FAM241A: variants seen among roughly 807,000 people sequenced by gnomAD.
FAM241A encodes the protein uncharacterized protein FAM241A.
A neutral mutation model predicts 12.2 loss-of-function variants in FAM241A; 7 were observed. The observed-to-expected ratio is 0.58, with a 90% confidence interval of 0.33 to 1.08. The LOEUF is 1.08. Ranked by LOEUF, FAM241A falls within the 50% of genes least tolerant of loss-of-function variation. The pLI, the probability that FAM241A is intolerant of heterozygous loss-of-function variation, is 0.04. For synonymous variants in FAM241A, 74 were observed against 68.2 expected (o/e 1.08, Z -0.42); for missense variants, 161 against 169.7 (o/e 0.95, Z 0.29).
At chr4:112,148,583 G>A (rs145813798) in intron 1 of FAM241A, among the ~76,000 whole-genome samples, 7 of 152,274 alleles carry the variant, frequency 4.6e-5, no homozygotes, top group South Asian at 2.1e-4. Context: ...ATCAAGTCCT[G>A]TAGATGAAGA....
intron 1 of FAM241A, among the ~76,000 whole-genome samples, chr4:112,167,054 C>T (rs1254205448): frequency 2.4e-5 from 3 of 127,192 alleles, no homozygotes; most frequent in African/African-American, 9.5e-5. Context: ...GCGGAGCTTG[C>T]AGTGAGCCGA....
At chr4:112,158,338 A>G (rs1404698193) in intron 1 of FAM241A, among the ~76,000 whole-genome samples, 3 of 152,132 alleles carry the variant, frequency 2.0e-5, no homozygotes, top group Admixed American at 6.5e-5. Context: ...TTGAACATCA[A>G]TTGTTTTAAC....
intron 1 of FAM241A, among the ~76,000 whole-genome samples, chr4:112,157,088 C>T (rs1242846414): frequency 6.6e-6 from 1 of 152,036 alleles, no homozygotes; most frequent in Non-Finnish European, 1.5e-5. Context: ...AATTATGGTT[C>T]TCATTAAACA....
At chr4:112,153,665 C>G (rs1325054183) in intron 1 of FAM241A, among the ~76,000 whole-genome samples, 1 of 152,120 alleles carries the variant, frequency 6.6e-6, no homozygotes, top group Non-Finnish European at 1.5e-5. Flanking sequence ...CCCCCGGCAC[C>G]GCCCCCAGCC....
chr4:112,162,525 CAGAG>C (rs1256315913), intron 1 of FAM241A, among the ~76,000 whole-genome samples: 14 of 152,274 alleles, frequency 9.2e-5, no homozygotes, highest in South Asian at 4.1e-4. Context: ...AACAGACAAA[CAGAG>C]AGCCAAATCG....
At chr4:112,153,298 GA>G in intron 1 of FAM241A, among the ~76,000 whole-genome samples, 1 of 152,266 alleles carries the variant, frequency 6.6e-6, no homozygotes, top group East Asian at 1.9e-4. Flanking sequence ...CTATTCAAAA[GA>G]AGTGATAAGG....
At chr4:112,186,603 A>G (rs1724047588) in intron 1 of FAM241A, 90 bp from the exon 2 acceptor site, 1 of 1,193,546 alleles carries the variant, frequency 8.4e-7, no homozygotes, top group African/African-American at 1.5e-5. Flanking sequence ...TATGCCCAGC[A>G]CTTTGGAAGA....
chr4:112,170,949 A>G (rs1019813345), intron 1 of FAM241A, among the ~76,000 whole-genome samples: 2 of 150,592 alleles, frequency 1.3e-5, no homozygotes, highest in Admixed American at 6.6e-5. Flanking sequence ...GCCAACTTCT[A>G]TAGTTTTTCT....
chr4:112,173,747 G>A (rs1723769061), intron 1 of FAM241A, among the ~76,000 whole-genome samples: 1 of 152,114 alleles, frequency 6.6e-6, no homozygotes, highest in Admixed American at 6.6e-5. Flanking sequence ...ACTGATTCCA[G>A]AGAACTAGCT....
At chr4:112,152,072 T>G (rs1346643838) in intron 1 of FAM241A, among the ~76,000 whole-genome samples, 2 of 152,266 alleles carry the variant, frequency 1.3e-5, no homozygotes, top group Non-Finnish European at 2.9e-5. Flanking sequence ...TAATCTCATC[T>G]TGTTCCTAAG....
rs147006273 is a variant in FAM241A at position 112,149,446 on chromosome 4, C to T, written c.153+3713C>T. Among the ~76,000 whole-genome samples the T allele has an allele frequency of 2.1e-3, 319 of 152,288 alleles. 1 individual carries two copies. Among genetic ancestry groups the T allele is most frequent in the Admixed American group, 5.0e-3 (77 of 15,296 alleles). On this transcript the variant is annotated intron_variant, in intron 1 of 1. Transcript: ENST00000309733. ...GCCAAATAATTCATTCCCCTAACACCGCACATTGAAGTTGCTTCAAGCTTT... is the reference window on the plus strand; with the variant it reads ...GCCAAATAATTCATTCCCCTAACACTGCACATTGAAGTTGCTTCAAGCTTT...
intron 1 of FAM241A, among the ~76,000 whole-genome samples, chr4:112,147,436 C>A (rs988390301): frequency 6.6e-6 from 1 of 152,096 alleles, no homozygotes; most frequent in Non-Finnish European, 1.5e-5. Context: ...GTCAAGAAGA[C>A]AAAAATAAGC....
chr4:112,151,906 T>C (rs1174647197), intron 1 of FAM241A, among the ~76,000 whole-genome samples: 1 of 152,216 alleles, frequency 6.6e-6, no homozygotes, highest in East Asian at 1.9e-4. Context: ...CATTACATGA[T>C]GGAAAAACAG....
chr4:112,162,521 C>G (rs183129814), intron 1 of FAM241A, among the ~76,000 whole-genome samples: 2 of 152,130 alleles, frequency 1.3e-5, no homozygotes. Context: ...CAATAACAGA[C>G]AAACAGAGAG....
chr4:112,164,865 C>T (rs545303032), intron 1 of FAM241A, among the ~76,000 whole-genome samples: 2 of 152,224 alleles, frequency 1.3e-5, no homozygotes, highest in Admixed American at 1.3e-4. Context: ...AATCCCAGCA[C>T]TTTGGGAGGC....
At chr4:112,182,021 CTT>C (rs1330858153) in intron 1 of FAM241A, among the ~76,000 whole-genome samples, 2 of 152,084 alleles carry the variant, frequency 1.3e-5, no homozygotes, top group African/African-American at 2.4e-5. Context: ...TTAGTAGACT[CTT>C]AGGATTATAG....
In FAM241A at chr4:112,145,613, C is replaced by T; in HGVS notation, c.33C>T (p.Gly11=). 8.1e-7 allele frequency: 1 copy of T among 1,235,904 alleles called. No homozygotes were observed. Among genetic ancestry groups the T allele is most frequent in the Non-Finnish European group, 1.0e-6 (1 of 988,840 alleles). The allele number at this position is 1,235,904 out of a possible 1,614,324, so 76.6% of individuals were successfully genotyped here. A position where few individuals can be genotyped will look rare whatever the true frequency, so the allele number is the denominator to read the frequency against. The change falls in exon 1 of 2, where the codon GGC becomes GGT. Residue 11 remains glycine, a synonymous_variant. Transcript: ENST00000309733. MCSAGELLRG[G]DGGERDEDGD... ...CAGCCGGGGAGCTGCTGCGGGGCGG[C>T]GACGGCGGGGAACGCGACGAGGACG...
chr4:112,169,610 G>A (rs1415048451), intron 1 of FAM241A, among the ~76,000 whole-genome samples: 1 of 152,154 alleles, frequency 6.6e-6, no homozygotes, highest in Non-Finnish European at 1.5e-5. Context: ...CAGGAACATT[G>A]AGACACATAA....
Position 112,145,800 on chromosome 4 carries a change from A to C in FAM241A, c.153+67A>C, listed in dbSNP as rs1046096315. 69 of 1,024,790 alleles carry C rather than the reference A, an allele frequency of 6.7e-5. No individual in the cohort carries two copies. In the African/African-American group the frequency reaches 1.0e-3, roughly 15 times the overall value. The allele number at this position is 1,024,790 out of a possible 1,614,324, so 63.5% of individuals were successfully genotyped here. On this transcript the variant is annotated intron_variant, in intron 1 of 1. Transcript: ENST00000309733. ...GGCCGCGAGCCCCGCCCGGCGTTGG[A>C]GGGAAGGGGCCCGGCCCGCGGGCCG... is the stretch of plus-strand genomic sequence containing the variant.
Sources: gnomAD v4.1 joint callset for allele counts (sites outside exome capture counted in the v4.1 genomes callset) on GRCh38, gnomAD v4.1.1 for gene constraint, MANE v1.5 for transcripts, NCBI Gene and HGNC (gene_info 2026-07-23, HGNC 2026-07-21) for gene names.